Variants in KALRN observed in about 807,000 individuals in gnomAD.
The protein encoded by KALRN is kalirin RhoGEF kinase.
In KALRN, 70 loss-of-function variants were observed where a neutral mutation model predicts 353.7. The ratio of observed to expected loss-of-function variants is 0.20; its 90% CI spans 0.16 to 0.24. KALRN has a LOEUF of 0.24. Among genes scored for constraint, KALRN ranks in the 10% least tolerant of loss-of-function variants. The pLI, the probability that KALRN is intolerant of heterozygous loss-of-function variation, is 1.00. For synonymous variants in KALRN, 1,391 were observed against 1,434.8 expected (o/e 0.97, Z 0.69); for missense variants, 2,791 against 3,756.7 (o/e 0.74, Z 6.72).
chr3:124,355,939 T>C (rs1185351226), intron 10 of KALRN, among the ~76,000 whole-genome samples: 2 of 152,022 alleles, frequency 1.3e-5, no homozygotes, highest in African/African-American at 2.4e-5. Flanking sequence ...GGTCTCGAAC[T>C]CCTGACCTCA....
At chr3:124,446,938 G>T in intron 21 of KALRN, 53 bp downstream of exon 21, 2 of 1,589,436 alleles carry the variant, frequency 1.3e-6, no homozygotes, top group African/African-American at 2.7e-5. Flanking sequence ...CTCCATTCTG[G>T]CCAATTTCAC....
chr3:124,325,896 C>G lies in KALRN; in HGVS notation c.1093-84C>G. On this transcript the variant is annotated intron_variant, in intron 6 of 59. Transcript: ENST00000682506. The stretch of plus-strand genomic sequence containing the variant: ...CTCAGACTTTTGTTTTGGGCAGCTC[C>G]CTTCCCCAAATATGTACCCCACGAA... The G allele has an allele frequency of 3.4e-6, 4 of 1,181,726 alleles. No homozygotes were observed. In the South Asian group the frequency reaches 6.0e-5, roughly 18 times the overall value. 73.2% of individuals were successfully genotyped at this position (1,181,726 alleles called of 1,614,324 possible).
chr3:124,717,457 T>A, intron 59 of KALRN, 72 bp downstream of exon 59: 1 of 1,086,120 alleles, frequency 9.2e-7, no homozygotes, highest in Admixed American at 2.5e-5. Context: ...GAGGCCAAGG[T>A]GGGCGGATCA....
intron 57 of KALRN, among the ~76,000 whole-genome samples, chr3:124,712,656 G>GAAAA (rs33926628): frequency 4.4e-5 from 4 of 91,662 alleles, no homozygotes; most frequent in African/African-American, 7.9e-5. Flanking sequence ...CCCTGTCTCA[G>GAAAA]AAAAAAAAAA....
At chr3:124,581,464 C>T (rs2074626118) in intron 34 of KALRN, among the ~76,000 whole-genome samples, 1 of 151,438 alleles carries the variant, frequency 6.6e-6, no homozygotes, top group Non-Finnish European at 1.5e-5. Flanking sequence ...ACTTTAGGGT[C>T]TACTGGTATT....
chr3:124,110,670 C>T (rs2062876922), intron 1 of KALRN, among the ~76,000 whole-genome samples: 2 of 152,136 alleles, frequency 1.3e-5, no homozygotes, highest in East Asian at 3.8e-4. Context: ...CTTTTGACAG[C>T]CCCTGGGATA....
At chr3:124,077,123 T>C (rs576883533) in intron 1 of KALRN, among the ~76,000 whole-genome samples, 1 of 152,370 alleles carries the variant, frequency 6.6e-6, no homozygotes, top group East Asian at 1.9e-4. Context: ...AACTCCTGTC[T>C]GCTGCTATTC....
At chr3:124,475,702 T>A (rs2061369523) in intron 26 of KALRN, among the ~76,000 whole-genome samples, 1 of 151,958 alleles carries the variant, frequency 6.6e-6, no homozygotes, top group Non-Finnish European at 1.5e-5. Context: ...AGATAGGAGG[T>A]TGACTAGTTC....
chr3:124,420,084 G>T (rs1170055785), intron 14 of KALRN, among the ~76,000 whole-genome samples: 1 of 152,224 alleles, frequency 6.6e-6, no homozygotes, highest in Non-Finnish European at 1.5e-5. Flanking sequence ...TCCACAACAT[G>T]ATGTGTTCCT....
chr3:124,278,772 G>GCTCTCC (rs2075045818), intron 5 of KALRN, among the ~76,000 whole-genome samples: 1 of 152,108 alleles, frequency 6.6e-6, no homozygotes. Context: ...GGTATAAACA[G>GCTCTCC]TTCTGGTCAC....
rs1234109548 is a variant in KALRN, at chr3:124,334,817, CAG to C, written c.1647+325_1647+326del. ...TTTGTTTTGTTTTGTTTTTTGGAAA[CAG>C]AGTCTCGCTCTGCCGCCTGGGCTGG... On this transcript the variant is annotated intron_variant, in intron 9 of 59. Transcript: ENST00000682506. The surrounding 1 kb of genome is among the most constrained non-coding windows in gnomAD (Gnocchi z 4.2). Among the ~76,000 whole-genome samples the C allele has an allele frequency of 6.6e-6, 1 of 152,146 alleles. No individual in the cohort carries two copies. Among genetic ancestry groups the C allele is most frequent in the Admixed American group, 6.5e-5 (1 of 15,278 alleles).
chr3:124,609,844 C>G (rs1042099333), intron 34 of KALRN, among the ~76,000 whole-genome samples: 1 of 152,096 alleles, frequency 6.6e-6, no homozygotes, highest in Non-Finnish European at 1.5e-5. Context: ...GGTAGTTATC[C>G]TCATTTTATA....
intron 33 of KALRN, among the ~76,000 whole-genome samples, chr3:124,503,204 C>T (rs1277369643): frequency 6.6e-6 from 1 of 152,146 alleles, no homozygotes; most frequent in Non-Finnish European, 1.5e-5. Context: ...TAAATAAATA[C>T]CTGAAAAGTA....
chr3:124,249,492 A>G (rs1322392803), intron 3 of KALRN, among the ~76,000 whole-genome samples: 2 of 152,196 alleles, frequency 1.3e-5, no homozygotes, highest in African/African-American at 4.8e-5. Flanking sequence ...AAAAGAGTAG[A>G]ATGCTGTCTA....
At chr3:124,536,169 C>A (rs1279691393) in intron 33 of KALRN, among the ~76,000 whole-genome samples, 2 of 150,164 alleles carry the variant, frequency 1.3e-5, no homozygotes, top group African/African-American at 2.5e-5. Context: ...CTCTGGGAGG[C>A]ACTTGCAAGT....
chr3:124,663,198 C>T (rs13064503), intron 45 of KALRN, among the ~76,000 whole-genome samples: 20,557 of 152,214 alleles, frequency 0.14, 1,590 homozygotes, highest in African/African-American at 0.2. Context: ...CCGCCCGCCT[C>T]GGCCTCCCAA....
intron 16 of KALRN, among the ~76,000 whole-genome samples, chr3:124,432,980 C>T (rs1033400809): frequency 2.6e-5 from 4 of 152,194 alleles, no homozygotes; most frequent in African/African-American, 7.2e-5. Context: ...ACCAGAATTG[C>T]AACATATGCT....
chr3:124,477,685 A>G (rs1427385397), intron 27 of KALRN, among the ~76,000 whole-genome samples: 7 of 152,190 alleles, frequency 4.6e-5, no homozygotes, highest in Non-Finnish European at 4.4e-5. Flanking sequence ...AGTGTTTCCG[A>G]AAGTGTGATC....
rs2070123671 is a variant in KALRN at position 124,549,234 on chromosome 3, C to T, written c.4936-13609C>T. On this transcript the variant is annotated intron_variant, in intron 33 of 59. Transcript: ENST00000682506. ...CTAGACTTACCAATTCCCTCAGCCT[C>T]CTCTATCTTGCCACTGCCAACTGAA... is the stretch of plus-strand genomic sequence containing the variant. 2.0e-5 allele frequency among the ~76,000 whole-genome samples: 3 copies of T among 152,104 alleles called. 1 individual carries two copies. The South Asian group carries it at 6.2e-4, about 32-fold the overall frequency.
Sources: allele counts gnomAD v4.1 joint callset (sites outside exome capture counted in the v4.1 genomes callset), GRCh38; gene constraint gnomAD v4.1.1; non-coding constraint Gnocchi (gnomAD v3.1); transcripts MANE v1.5; gene names NCBI Gene and HGNC (gene_info 2026-07-23, HGNC 2026-07-21).